The following KCTD3 variants were observed in gnomAD, a reference collection of about 807,000 sequenced individuals.
KCTD3 encodes the protein potassium channel tetramerization domain containing 3.
Under a neutral mutation model 85.8 loss-of-function variants are expected in KCTD3, and 41 were observed. That is an observed-to-expected ratio of 0.48 (90% CI 0.37 to 0.62). KCTD3 has a LOEUF of 0.62. Ranked by LOEUF, KCTD3 falls within the 20% of genes least tolerant of loss-of-function variation. KCTD3 has a pLI of 0.00. For synonymous variants in KCTD3, 338 were observed against 345.4 expected (o/e 0.98, Z 0.24); for missense variants, 724 against 989.9 (o/e 0.73, Z 3.60).
intron 9 of KCTD3, among the ~76,000 whole-genome samples, chr1:215,594,917 T>C (rs1448672723): frequency 6.6e-6 from 1 of 152,184 alleles, no homozygotes; most frequent in African/African-American, 2.4e-5. Context: ...AGTCTGTGTG[T>C]TCAGATCACT....
At chr1:215,616,045 A>G (rs1309953734) in intron 15 of KCTD3, among the ~76,000 whole-genome samples, 1 of 152,168 alleles carries the variant, frequency 6.6e-6, no homozygotes, top group East Asian at 1.9e-4. Flanking sequence ...TGTTAGGGTA[A>G]TATTTTTATG....
At chr1:215,616,902 G>C (rs1191088822) in intron 15 of KCTD3, among the ~76,000 whole-genome samples, 1 of 152,214 alleles carries the variant, frequency 6.6e-6, no homozygotes, top group Non-Finnish European at 1.5e-5. Flanking sequence ...TGAGTTGACT[G>C]ATGGCAGGTC....
At chr1:215,572,397 A>G (rs1659400947) in intron 1 of KCTD3, among the ~76,000 whole-genome samples, 1 of 152,228 alleles carries the variant, frequency 6.6e-6, no homozygotes, top group Non-Finnish European at 1.5e-5. Context: ...ATTTATCAAG[A>G]TATGTAAAAT....
intron 9 of KCTD3, among the ~76,000 whole-genome samples, chr1:215,593,904 A>G (rs1317585139): frequency 7.3e-6 from 1 of 137,786 alleles, no homozygotes; most frequent in African/African-American, 2.8e-5. Flanking sequence ...TCTGTCACCC[A>G]GGCTGGAGTG....
intron 10 of KCTD3, among the ~76,000 whole-genome samples, chr1:215,598,010 T>C (rs1237256238): frequency 6.6e-6 from 1 of 152,038 alleles, no homozygotes; most frequent in Admixed American, 6.6e-5. Context: ...TAAATTTATA[T>C]ATAGAAATAC....
intron 15 of KCTD3, chr1:215,618,113 A>G: frequency 2.1e-6 from 1 of 467,410 alleles, no homozygotes; most frequent in Non-Finnish European, 4.4e-6. Flanking sequence ...TTTGGTTTCT[A>G]GATCCAGCCA....
At chr1:215,583,725 C>G (rs1659910321) in intron 8 of KCTD3, among the ~76,000 whole-genome samples, 2 of 152,140 alleles carry the variant, frequency 1.3e-5, no homozygotes, top group Admixed American at 6.5e-5. Context: ...GAGGAAGATT[C>G]ATCTTCTGTA....
chr1:215,595,281 TG>T (rs1243680181), intron 9 of KCTD3, 74 bp from the exon 10 acceptor site: 9 of 872,074 alleles, frequency 1.0e-5, no homozygotes, highest in African/African-American at 1.6e-5. Flanking sequence ...ACCTTTAAGA[TG>T]TTTTTAATCC....
chr1:215,569,621 AGTCTCGCTCT>A (rs1157187054), intron 1 of KCTD3, among the ~76,000 whole-genome samples: 1 of 139,366 alleles, frequency 7.2e-6, no homozygotes, highest in Non-Finnish European at 1.5e-5. Context: ...TTTGAGACAG[AGTCTCGCTCT>A]GTCATCCAGG....
chr1:215,580,084 A>G (rs1051907841), intron 8 of KCTD3, 85 bp downstream of exon 8: 37 of 869,432 alleles, frequency 4.3e-5, no homozygotes, highest in African/African-American at 1.7e-4. Context: ...TTGAAAAGCT[A>G]TTTTTTTTTA....
rs1381860021 is a variant in KCTD3, at chr1:215,573,940, T to C, written c.137+101T>C. ...TTTTTTTAATAAAAAAGGTTAACTC[T>C]TAAAATTATATATTTTTGAACTTGG... On this transcript the variant is annotated intron_variant, in intron 2 of 17. Transcript: ENST00000259154. The C allele has an allele frequency of 3.0e-6, 3 of 999,726 alleles. No homozygotes were observed. The South Asian group carries it at 5.2e-5, about 17-fold the overall frequency. 61.9% of individuals were successfully genotyped at this position (999,726 alleles called of 1,614,324 possible).
chr1:215,619,356 T>A, intron 17 of KCTD3, 65 bp downstream of exon 17: 1 of 1,310,038 alleles, frequency 7.6e-7, no homozygotes, highest in Non-Finnish European at 1.1e-6. Flanking sequence ...ACTGAAATAT[T>A]GTAATCACAT....
chr1:215,592,596 T>C lies in KCTD3; in HGVS notation c.818-2760T>C, dbSNP rs560295543. On this transcript the variant is annotated intron_variant, in intron 9 of 17. Coordinates refer to ENST00000259154, the MANE Select transcript of KCTD3 (RefSeq NM_016121.5). Reference sequence around the variant, plus strand: ...ACATACCAATAAGTGAAAGAAATTTTATTACTTGCTTGGTGTTCAAAGGCT... The same window carrying C: ...ACATACCAATAAGTGAAAGAAATTTCATTACTTGCTTGGTGTTCAAAGGCT... 6.6e-5 allele frequency among the ~76,000 whole-genome samples: 10 copies of C among 152,346 alleles called. No homozygotes were observed. The South Asian group carries it at 1.7e-3, about 25-fold the overall frequency.
chr1:215,605,868 C>T (rs1009278895), intron 13 of KCTD3, among the ~76,000 whole-genome samples: 1 of 152,082 alleles, frequency 6.6e-6, no homozygotes, highest in East Asian at 1.9e-4. Flanking sequence ...TAGTGTCTCA[C>T]GTCATCATCC....
At chr1:215,591,765 C>T (rs1660235501) in intron 9 of KCTD3, among the ~76,000 whole-genome samples, 1 of 152,220 alleles carries the variant, frequency 6.6e-6, no homozygotes, top group Admixed American at 6.5e-5. Context: ...TGGCACAGTT[C>T]CCTTCCTTCT....
At chr1:215,604,598 CA>C (rs1205305868) in intron 13 of KCTD3, among the ~76,000 whole-genome samples, 1 of 143,672 alleles carries the variant, frequency 7.0e-6, no homozygotes, top group African/African-American at 2.6e-5. Context: ...AAGAGGAAAA[CA>C]AAAAAAAGAT....
intron 8 of KCTD3, 136 bp downstream of exon 8, chr1:215,580,135 A>G: frequency 3.3e-6 from 2 of 599,086 alleles, no homozygotes; most frequent in Admixed American, 3.0e-5. Flanking sequence ...CCATGTCTGT[A>G]TCATCTGATT....
At chr1:215,574,009 G>C in intron 2 of KCTD3, 64 bp from the exon 3 acceptor site, 1 of 1,228,772 alleles carries the variant, frequency 8.1e-7, no homozygotes, top group Non-Finnish European at 1.2e-6. Flanking sequence ...ATTTGGTAAA[G>C]AATTAGCACA....
chr1:215,617,273 A>G (rs1262517068), intron 15 of KCTD3, among the ~76,000 whole-genome samples: 1 of 152,156 alleles, frequency 6.6e-6, no homozygotes, highest in Non-Finnish European at 1.5e-5. Flanking sequence ...AGTTGAACCT[A>G]AGGAGGAGGC....
Sources: gnomAD v4.1 joint callset for allele counts (sites outside exome capture counted in the v4.1 genomes callset) on GRCh38, gnomAD v4.1.1 for gene constraint, MANE v1.5 for transcripts, NCBI Gene and HGNC (gene_info 2026-07-23, HGNC 2026-07-21) for gene names.